The following GRIP1 variants were observed in gnomAD, a reference collection of about 807,000 sequenced individuals.
GRIP1 encodes the protein glutamate receptor-interacting protein 1.
Under a neutral mutation model 129.9 loss-of-function variants are expected in GRIP1, and 45 were observed. The ratio of observed to expected loss-of-function variants is 0.35; its 90% CI spans 0.27 to 0.44. The LOEUF is 0.44. Ranked by LOEUF, GRIP1 falls within the 20% of genes least tolerant of loss-of-function variation. GRIP1 has a pLI of 1.00. For synonymous variants in GRIP1, 530 were observed against 520.8 expected (o/e 1.02, Z -0.24); for missense variants, 1,196 against 1,396.8 (o/e 0.86, Z 2.29).
intron 2 of GRIP1, among the ~76,000 whole-genome samples, chr12:66,551,577 T>TG (rs1389179097): frequency 6.6e-6 from 1 of 150,398 alleles, no homozygotes; most frequent in Non-Finnish European, 1.5e-5. Flanking sequence ...AATCCTTTTT[T>TG]TTTTTTTTTT....
intron 23 of GRIP1, among the ~76,000 whole-genome samples, chr12:66,368,109 G>C (rs2055259687): frequency 6.6e-6 from 1 of 152,192 alleles, no homozygotes; most frequent in African/African-American, 2.4e-5. Flanking sequence ...AGAAGTGGTA[G>C]GAAGGAATGG....
intron 1 of GRIP1, among the ~76,000 whole-genome samples, chr12:66,665,713 A>C (rs535201011): frequency 6.6e-6 from 1 of 152,300 alleles, no homozygotes; most frequent in South Asian, 2.1e-4. Context: ...GTGCTATTAC[A>C]AACAGTGCTG....
intron 1 of GRIP1, among the ~76,000 whole-genome samples, chr12:66,699,070 A>T (rs538462116): frequency 6.6e-6 from 1 of 152,118 alleles, no homozygotes; most frequent in African/African-American, 2.4e-5. Context: ...CCCACTTCAC[A>T]CTAGGTTACC....
chr12:66,956,319 T>C (rs2041840649), intron 1 of GRIP1, among the ~76,000 whole-genome samples: 1 of 152,172 alleles, frequency 6.6e-6, no homozygotes, highest in Admixed American at 6.5e-5. Context: ...GCTATTTTCA[T>C]TAATAGGCTG....
At chr12:66,869,213 A>G (rs2040254992) in intron 1 of GRIP1, among the ~76,000 whole-genome samples, 1 of 151,948 alleles carries the variant, frequency 6.6e-6, no homozygotes, top group African/African-American at 2.4e-5. Flanking sequence ...GGTACTCAAT[A>G]TTTCTTGAAT....
At chr12:66,523,362 G>T (rs1592479718) in intron 5 of GRIP1, among the ~76,000 whole-genome samples, 1 of 143,628 alleles carries the variant, frequency 7.0e-6, no homozygotes, top group Non-Finnish European at 1.5e-5. Flanking sequence ...AGAAGAGAGT[G>T]GGGGCCAATA....
At chr12:66,548,579 A>G (rs184609242) in intron 2 of GRIP1, among the ~76,000 whole-genome samples, 1 of 152,362 alleles carries the variant, frequency 6.6e-6, no homozygotes, top group Admixed American at 6.5e-5. Context: ...ATGATGGACT[A>G]AAATACATCA....
At chr12:67,022,155 T>C (rs986218960) in intron 1 of GRIP1, among the ~76,000 whole-genome samples, 5 of 152,192 alleles carry the variant, frequency 3.3e-5, no homozygotes, top group Non-Finnish European at 5.9e-5. Context: ...ATATACTCTA[T>C]AGCTATCTGT....
At chr12:66,701,675 T>A (rs1195174072) in intron 1 of GRIP1, among the ~76,000 whole-genome samples, 1 of 152,176 alleles carries the variant, frequency 6.6e-6, no homozygotes, top group African/African-American at 2.4e-5. Flanking sequence ...AACCTCAAGT[T>A]GTTTCATAAA....
chr12:66,836,591 C>T (rs1262913325), intron 1 of GRIP1, among the ~76,000 whole-genome samples: 1 of 152,152 alleles, frequency 6.6e-6, no homozygotes, highest in Non-Finnish European at 1.5e-5. Context: ...GCCTGTGACT[C>T]TCTAGGCTTA....
In GRIP1 at chr12:66,834,876, CACAACT is replaced by C. The variant is rs374381030; in HGVS notation, c.58+234168_58+234173del. On this transcript the variant is annotated intron_variant, in intron 1 of 1. Coordinates refer to the GRIP1 transcript ENST00000643019. ...TTCAAGGCTATACGAGCTATGCTCA[CACAACT>C]ACACTCCAGCCTGGGTGACACAGCA... Among the ~76,000 whole-genome samples the C allele has an allele frequency of 1.7e-4, 24 of 137,634 alleles. 1 individual carries two copies. Among genetic ancestry groups the C allele is most frequent in the African/African-American group, 6.1e-4 (22 of 36,290 alleles). 90.3% of individuals were successfully genotyped at this position (137,634 alleles called of 152,430 possible). A position where few individuals can be genotyped will look rare whatever the true frequency, so the allele number is the denominator to read the frequency against.
Position 66,751,885 on chromosome 12 carries a change from G to C in GRIP1, c.-420+52168C>G, listed in dbSNP as rs979946834. Among the ~76,000 whole-genome samples, 3 of 152,266 alleles carry C rather than the reference G, an allele frequency of 2.0e-5. No individual in the cohort carries two copies. The East Asian group carries it at 5.8e-4, about 29-fold the overall frequency. Reference sequence around the variant, plus strand: ...CTAATGTCTACATTATGATCCAATGGTGGGAAGTGAAATCTAAAGTGACTT... The same window carrying C: ...CTAATGTCTACATTATGATCCAATGCTGGGAAGTGAAATCTAAAGTGACTT... On this transcript the variant is annotated intron_variant, in intron 1 of 4. Transcript: ENST00000538373.
intron 1 of GRIP1, among the ~76,000 whole-genome samples, chr12:67,066,797 G>C (rs1379287616): frequency 6.6e-6 from 1 of 150,600 alleles, no homozygotes; most frequent in African/African-American, 2.4e-5. Context: ...TCTTTACACT[G>C]AAATTCATCC....
chr12:66,408,308 G>A, intron 15 of GRIP1, among the ~76,000 whole-genome samples: 1 of 151,950 alleles, frequency 6.6e-6, no homozygotes, highest in Non-Finnish European at 1.5e-5. Context: ...GTGAAACTCG[G>A]TCTGTACTAA....
At chr12:66,455,009 T>C (rs1448193862) in intron 11 of GRIP1, among the ~76,000 whole-genome samples, 1 of 152,150 alleles carries the variant, frequency 6.6e-6, no homozygotes, top group African/African-American at 2.4e-5. Flanking sequence ...GGGAGCATCG[T>C]TTTCACAAAA....
intron 1 of GRIP1, among the ~76,000 whole-genome samples, chr12:66,914,992 C>T (rs2041096573): frequency 6.6e-6 from 1 of 152,178 alleles, no homozygotes; most frequent in African/African-American, 2.4e-5. Context: ...CAGAAAGCAA[C>T]AAGCTTCTCT....
At position 66,404,485 on chromosome 12, in the gene GRIP1, A is replaced by G. The variant is rs369012373; in HGVS notation, c.1984+1798T>C. ...CTTCCACCATAAAATGTACAGACCA[A>G]TGCCATGGCATGCTCCAGAGCAATA... On this transcript the variant is annotated intron_variant, in intron 16 of 24. Coordinates refer to ENST00000359742, the MANE Select transcript of GRIP1 (RefSeq NM_001366722.1). Among the ~76,000 whole-genome samples, 65 of 152,298 alleles carry G rather than the reference A, an allele frequency of 4.3e-4. No individual in the cohort carries two copies. In the Middle Eastern group the frequency reaches 0.014, roughly 32 times the overall value.
chr12:66,462,671 G>A (rs533121010), intron 9 of GRIP1, among the ~76,000 whole-genome samples: 2 of 151,884 alleles, frequency 1.3e-5, no homozygotes, highest in South Asian at 2.1e-4. Flanking sequence ...GCATGGTGGC[G>A]GTCACCTGTA....
chr12:67,051,931 A>C (rs906330499), intron 1 of GRIP1, among the ~76,000 whole-genome samples: 3 of 152,236 alleles, frequency 2.0e-5, no homozygotes, highest in Non-Finnish European at 4.4e-5. Flanking sequence ...AAAGCCTCAC[A>C]TTGCACAAAG....
Sources: allele counts gnomAD v4.1 joint callset (sites outside exome capture counted in the v4.1 genomes callset), GRCh38; gene constraint gnomAD v4.1.1; transcripts MANE v1.5; gene names NCBI Gene and HGNC (gene_info 2026-07-23, HGNC 2026-07-21).